MAN2A1: variants seen among roughly 807,000 people sequenced by gnomAD.
MAN2A1 encodes alpha-mannosidase 2.
Under a neutral mutation model 142.6 loss-of-function variants are expected in MAN2A1, and 76 were observed. That is an observed-to-expected ratio of 0.53 (90% confidence interval 0.44 to 0.65). The LOEUF is 0.65. Ranked by LOEUF, MAN2A1 falls within the 30% of genes least tolerant of loss-of-function variation. MAN2A1 has a pLI of 0.00. For synonymous variants in MAN2A1, 559 were observed against 473.2 expected, an observed-to-expected ratio of 1.18 and a Z score of -2.35; for missense variants, 1,311 against 1,365.1, an observed-to-expected ratio of 0.96 and a Z score of 0.62.
chr5:109,839,061 A>G (rs1403470897), intron 16 of MAN2A1, among the ~76,000 whole-genome samples: 1 of 152,108 alleles, frequency 6.6e-6, no homozygotes, highest in Non-Finnish European at 1.5e-5. Context: ...TCTAATCTAG[A>G]GAGAAGAAAA....
intron 4 of MAN2A1, among the ~76,000 whole-genome samples, chr5:109,730,723 A>G (rs1168662025): frequency 2.0e-5 from 3 of 152,166 alleles, no homozygotes; most frequent in Admixed American, 6.6e-5. Flanking sequence ...GTAACTAATA[A>G]TCTTCTAAAC....
chr5:109,865,007 C>T (rs370510564), intron 20 of MAN2A1, 29 bp from the exon 21 acceptor site: 268 of 1,432,046 alleles, frequency 1.9e-4, no homozygotes, highest in Non-Finnish European at 2.3e-4. Context: ...ATTGTCTGCG[C>T]GGTGTGACTG....
chr5:109,857,358 G>A (rs896716584), intron 20 of MAN2A1, among the ~76,000 whole-genome samples: 1 of 152,270 alleles, frequency 6.6e-6, no homozygotes, highest in African/African-American at 2.4e-5. Flanking sequence ...CCGAGGTGTC[G>A]TGTCATAAAT....
chr5:109,833,835 TCTA>T (rs1754993985), intron 16 of MAN2A1, among the ~76,000 whole-genome samples: 1 of 152,196 alleles, frequency 6.6e-6, no homozygotes, highest in Non-Finnish European at 1.5e-5. Flanking sequence ...TTTTTAAAGA[TCTA>T]CTGCCTGACA....
intron 4 of MAN2A1, among the ~76,000 whole-genome samples, chr5:109,743,936 T>C (rs1403131208): frequency 6.6e-6 from 1 of 152,188 alleles, no homozygotes; most frequent in Non-Finnish European, 1.5e-5. Flanking sequence ...CACTTCCTGC[T>C]TCACACTCTA....
intron 6 of MAN2A1, 55 bp downstream of exon 6, chr5:109,767,763 G>A (rs374764350): frequency 5.4e-6 from 8 of 1,482,502 alleles, no homozygotes; most frequent in Non-Finnish European, 2.8e-6. Flanking sequence ...TATTTCACAA[G>A]GGTTATGAAC....
chr5:109,780,395 A>G (rs1477663553), intron 8 of MAN2A1, among the ~76,000 whole-genome samples: 2 of 152,072 alleles, frequency 1.3e-5, no homozygotes, highest in African/African-American at 2.4e-5. Context: ...TATTCACTGT[A>G]ACGTGGATAG....
intron 19 of MAN2A1, among the ~76,000 whole-genome samples, chr5:109,850,153 G>C (rs1005531472): frequency 6.6e-6 from 1 of 152,166 alleles, no homozygotes; most frequent in Non-Finnish European, 1.5e-5. Flanking sequence ...CATGAGAGTG[G>C]GGAATGTGCC....
At chr5:109,849,961 G>A (rs1755443431) in intron 19 of MAN2A1, among the ~76,000 whole-genome samples, 1 of 152,034 alleles carries the variant, frequency 6.6e-6, no homozygotes, top group South Asian at 2.1e-4. Flanking sequence ...TTTGCACATG[G>A]CCTGTTATCC....
At chr5:109,731,029 G>A (rs79332880) in intron 4 of MAN2A1, among the ~76,000 whole-genome samples, 2,813 of 152,080 alleles carry the variant, frequency 0.018, 34 homozygotes, top group Middle Eastern at 0.071. Context: ...AATATACTTC[G>A]TTAACTGACA....
chr5:109,845,725 A>C lies in MAN2A1; in HGVS notation c.2701-140A>C, dbSNP rs1041029880. The C allele has an allele frequency of 5.3e-6, 3 of 566,886 alleles. No individual in the cohort carries two copies. The African/African-American group carries it at 5.8e-5, about 11-fold the overall frequency. 35.1% of individuals were successfully genotyped at this position (566,886 alleles called of 1,614,324 possible). ...TTCATATTGTTTTAAATAATGTTTT[A>C]ATTTTTAAATTATTTCTTCCACTGA... On this transcript the variant is annotated intron_variant, in intron 17 of 21. Coordinates refer to ENST00000261483, the MANE Select transcript of MAN2A1 (RefSeq NM_002372.4).
chr5:109,767,585 A>G lies in MAN2A1; in HGVS notation c.886A>G (p.Thr296Ala). The change falls in exon 6 of 22, where the codon ACA becomes GCA. Residue 296 changes from threonine (T) to alanine (A), a missense_variant. Transcript: ENST00000261483. Reference protein sequence around the residue: ...WAIDPFGHSPTMAYLLNRAGL... With the variant: ...WAIDPFGHSPAMAYLLNRAGL... ...TATTGATCCCTTTGGACACTCACCA[A>G]CAATGGCTTATCTTCTAAACCGTGC... 1 of 1,613,830 alleles carries G rather than the reference A, an allele frequency of 6.2e-7. No individual in the cohort carries two copies. Among genetic ancestry groups the G allele is most frequent in the Non-Finnish European group, 8.5e-7 (1 of 1,179,770 alleles).
chr5:109,712,171 A>G (rs2112560121), intron 1 of MAN2A1, among the ~76,000 whole-genome samples: 1 of 151,810 alleles, frequency 6.6e-6, no homozygotes, highest in African/African-American at 2.4e-5. Flanking sequence ...GTTTGCTCAA[A>G]TGATTGGCCT....
chr5:109,783,345 T>A (rs985254639), intron 9 of MAN2A1, among the ~76,000 whole-genome samples: 1 of 152,170 alleles, frequency 6.6e-6, no homozygotes, highest in Non-Finnish European at 1.5e-5. Flanking sequence ...GTGGATAAAA[T>A]ATAAAAGTAT....
intron 20 of MAN2A1, among the ~76,000 whole-genome samples, chr5:109,856,782 C>T (rs723350): frequency 0.65 from 98,879 of 151,300 alleles, 32,610 homozygotes; most frequent in East Asian, 0.89. Context: ...GGCGTGTGTG[C>T]GTGTGTGTGT....
At chr5:109,808,128 G>A (rs957289233) in intron 12 of MAN2A1, among the ~76,000 whole-genome samples, 3 of 152,122 alleles carry the variant, frequency 2.0e-5, no homozygotes, top group Non-Finnish European at 4.4e-5. Context: ...TTACTGTGTA[G>A]CGTCTAGTGG....
chr5:109,787,961 T>C (rs1177583602), intron 10 of MAN2A1, among the ~76,000 whole-genome samples: 1 of 151,874 alleles, frequency 6.6e-6, no homozygotes, highest in Non-Finnish European at 1.5e-5. Flanking sequence ...TTAATAACAT[T>C]GATCATGATC....
At chr5:109,844,521 G>C (rs1046995313) in intron 17 of MAN2A1, among the ~76,000 whole-genome samples, 3 of 151,528 alleles carry the variant, frequency 2.0e-5, no homozygotes, top group Non-Finnish European at 4.4e-5. Flanking sequence ...AGCTTTATCA[G>C]TTTATTAATT....
chr5:109,814,779 T>A (rs1458604199), intron 12 of MAN2A1, among the ~76,000 whole-genome samples: 2 of 152,218 alleles, frequency 1.3e-5, no homozygotes, highest in Non-Finnish European at 2.9e-5. Flanking sequence ...GCATTAAGTA[T>A]GAGTACTTTT....
Sources: gnomAD v4.1 joint callset for allele counts (sites outside exome capture counted in the v4.1 genomes callset) on GRCh38, gnomAD v4.1.1 for gene constraint, MANE v1.5 for transcripts, NCBI Gene and HGNC (gene_info 2026-07-23, HGNC 2026-07-21) for gene names.